Variants in EIF3A observed in about 807,000 individuals in gnomAD.
EIF3A encodes EIF3, p180 subunit.
EIF3A carries 21 observed loss-of-function variants against 186.6 expected under a neutral mutation model. The ratio of observed to expected loss-of-function variants is 0.11; its 90% CI spans 0.08 to 0.16. The LOEUF is 0.16. Among genes scored for constraint, EIF3A ranks in the 10% least tolerant of loss-of-function variants. The pLI is 1.00. For synonymous variants in EIF3A, 563 were observed against 584.3 expected (o/e 0.96, Z 0.52); for missense variants, 1,306 against 1,796.3 (o/e 0.73, Z 4.93).
At chr10:119,074,214 C>A (rs1243321745) in intron 1 of EIF3A, among the ~76,000 whole-genome samples, 1 of 152,142 alleles carries the variant, frequency 6.6e-6, no homozygotes, top group Admixed American at 6.6e-5. Flanking sequence ...GCCTGTAATC[C>A]TAGCAATTTG....
intron 10 of EIF3A, 26 bp downstream of exon 10, chr10:119,059,573 TCTC>T (rs1320417239): frequency 6.5e-7 from 1 of 1,549,240 alleles, no homozygotes; most frequent in East Asian, 2.2e-5. Flanking sequence ...TCAAGGGCCT[TCTC>T]CTGTCTCCTT....
At chr10:119,053,985 A>G (rs764265118) in intron 14 of EIF3A, among the ~76,000 whole-genome samples, 1 of 152,108 alleles carries the variant, frequency 6.6e-6, no homozygotes, top group Non-Finnish European at 1.5e-5. Flanking sequence ...CAGTGGCGCA[A>G]TCTCAGCTCA....
In EIF3A at chr10:119,069,569, T is replaced by C. The variant is rs1004662565; in HGVS notation, c.827A>G (p.Tyr276Cys). The C allele has an allele frequency of 6.3e-7, 1 of 1,593,204 alleles. No homozygotes were observed. The highest frequency in any genetic ancestry group is 1.3e-5 in the African/African-American group (1 of 74,580). Reference protein sequence around the residue: ...PPKPQLMANYYNKVSTVFWKS... With the variant: ...PPKPQLMANYCNKVSTVFWKS... ...CCAAAACACAGTTGAGACTTTGTTA[T>C]AGTAATTTGCCATCAACTGAGGTTT... The change falls in exon 6 of 22, where the codon TAT becomes TGT. Residue 276 changes from tyrosine (Y) to cysteine (C), a missense_variant. Physicochemically the swap from Tyr to Cys is radical, Grantham distance 194 (BLOSUM62 -2). Coordinates refer to ENST00000369144, the MANE Select transcript of EIF3A (RefSeq NM_003750.4).
Position 119,042,239 on chromosome 10 carries a change from T to C in EIF3A, c.3281A>G (p.Asp1094Gly). 1 of 1,613,854 alleles carries C rather than the reference T, an allele frequency of 6.2e-7. No individual in the cohort carries two copies. The highest frequency in any genetic ancestry group is 8.5e-7 in the Non-Finnish European group (1 of 1,179,952). Residue 1094 changes from aspartate (D) to glycine (G), a missense_variant, in exon 19 of 22, where the codon GAT (aspartate) becomes GGT (glycine). Physicochemically the swap from Asp to Gly is moderately conservative, Grantham distance 94. Around this residue, in one of 8 missense-constraint regions of EIF3A, gnomAD observed 27 missense variants for 64.8 expected, o/e 0.42. Transcript: ENST00000369144. The surrounding 1 kb of genome is among the most constrained non-coding windows in gnomAD (Gnocchi z 7.8). The part of the protein sequence containing the change: ...DDDRGPRRGM[D>G]DDRGPRRGMD... ...GCCTCGCCTGGGACCCCGGTCATCA[T>C]CCATGCCTCGCCTGGGACCCCGGTC...
intron 19 of EIF3A, among the ~76,000 whole-genome samples, chr10:119,039,371 G>A (rs1429908393): frequency 6.6e-6 from 1 of 152,052 alleles, no homozygotes; most frequent in Non-Finnish European, 1.5e-5. Context: ...CAAGTGTAGT[G>A]CTAAAATGCT....
intron 1 of EIF3A, among the ~76,000 whole-genome samples, chr10:119,078,813 G>A (rs1389900995): frequency 6.6e-6 from 1 of 152,096 alleles, no homozygotes; most frequent in African/African-American, 2.4e-5. Flanking sequence ...AAAAATGTTT[G>A]ATGCACATTA....
At chr10:119,040,642 G>C (rs1848194915) in intron 19 of EIF3A, among the ~76,000 whole-genome samples, 1 of 151,894 alleles carries the variant, frequency 6.6e-6, no homozygotes, top group Non-Finnish European at 1.5e-5. Flanking sequence ...AGGCCGAGGT[G>C]GGTGGATCAC....
Position 119,050,664 on chromosome 10 carries a change from T to G in EIF3A, c.2330A>C (p.Lys777Thr), listed in dbSNP as rs978702708. Reference protein sequence around the residue: ...ARQSVYEEKLKQFEERLAEER... With the variant: ...ARQSVYEEKLTQFEERLAEER... Reference sequence around the variant, plus strand: ...TTCTGCTAATCGCTCTTCAAACTGTTTAAGTTTTTCCTGCAATCGAAGTAA... The same window carrying G: ...TTCTGCTAATCGCTCTTCAAACTGTGTAAGTTTTTCCTGCAATCGAAGTAA... Residue 777 changes from lysine to threonine, a missense_variant, in exon 16 of 22, where the codon AAA (lysine) becomes ACA (threonine). By Grantham distance (78) the Lys-to-Thr change is moderately conservative. Coordinates refer to ENST00000369144, the MANE Select transcript of EIF3A (RefSeq NM_003750.4). 1.2e-6 allele frequency: 2 copies of G among 1,614,030 alleles called. No individual in the cohort carries two copies. The highest frequency in any genetic ancestry group is 1.7e-6 in the Non-Finnish European group (2 of 1,180,020).
intron 17 of EIF3A, among the ~76,000 whole-genome samples, chr10:119,046,488 A>C (rs571747527): frequency 6.6e-6 from 1 of 152,346 alleles, no homozygotes; most frequent in East Asian, 1.9e-4. Flanking sequence ...GGAAAACTTA[A>C]AGTAACTGTT....
chr10:119,053,933 T>C (rs1425824123), intron 14 of EIF3A, among the ~76,000 whole-genome samples: 1 of 152,192 alleles, frequency 6.6e-6, no homozygotes, highest in Non-Finnish European at 1.5e-5. Flanking sequence ...GATTGATTGA[T>C]TGATTGAGAC....
chr10:119,059,876 C>CTA, intron 9 of EIF3A, 158 bp from the exon 10 acceptor site: 2 of 667,782 alleles, frequency 3.0e-6, no homozygotes, highest in South Asian at 3.4e-5. Flanking sequence ...ACCATCGACT[C>CTA]TAAACTCCAT....
chr10:119,039,044 G>A (rs941231305), intron 19 of EIF3A, among the ~76,000 whole-genome samples: 1 of 152,172 alleles, frequency 6.6e-6, no homozygotes, highest in Admixed American at 6.5e-5. Context: ...GCAGATTTCA[G>A]CATAGTATCT....
chr10:119,057,745 A>G (rs763905481), intron 12 of EIF3A, among the ~76,000 whole-genome samples: 1 of 152,196 alleles, frequency 6.6e-6, no homozygotes, highest in Non-Finnish European at 1.5e-5. Flanking sequence ...ACTGCACTCC[A>G]GCCTGGGCGA....
At chr10:119,078,351 T>A (rs1282439111) in intron 1 of EIF3A, among the ~76,000 whole-genome samples, 1 of 152,118 alleles carries the variant, frequency 6.6e-6, no homozygotes, top group Non-Finnish European at 1.5e-5. Flanking sequence ...AAATTGCTCA[T>A]ATATATGCTT....
At position 119,066,505 on chromosome 10, in the gene EIF3A, C is replaced by CAAAAA. The variant is rs71016533; in HGVS notation, c.951-940_951-936dup. Among the ~76,000 whole-genome samples the CAAAAA allele has an allele frequency of 2.7e-4, 13 of 47,500 alleles. 1 individual carries two copies. The highest frequency in any genetic ancestry group is 1.3e-3 in the African/African-American group (13 of 9,946). The allele number at this position is 47,500 out of a possible 152,430, so 31.2% of individuals were successfully genotyped here. On this transcript the variant is annotated intron_variant, in intron 6 of 21. Coordinates refer to ENST00000369144, the MANE Select transcript of EIF3A (RefSeq NM_003750.4). ...GCCTGGGGGGCAGAGTTAAGACTGT[C>CAAAAA]AAAAAAAAAAAAAAAAAAAAAAAAA... is the stretch of plus-strand genomic sequence containing the variant.
rs767832389 is a variant in EIF3A, at chr10:119,065,465, C to T, written c.1056G>A (p.Gln352=). Residue 352 remains glutamine, a synonymous_variant, in exon 7 of 22, where the codon CAG becomes CAA. Coordinates refer to ENST00000369144, the MANE Select transcript of EIF3A (RefSeq NM_003750.4). ...GACCTAGTAGTGTTGCAAGGCGACG[C>T]TGTTTTTCAACTATAATGCCATCCA... The part of the protein sequence containing the change: ...LDMDGIIVEK[Q]RRLATLLGLQ... 3 of 1,613,868 alleles carry T rather than the reference C, an allele frequency of 1.9e-6. No individual in the cohort carries two copies. Among genetic ancestry groups the T allele is most frequent in the East Asian group, 2.2e-5 (1 of 44,890 alleles).
intron 6 of EIF3A, among the ~76,000 whole-genome samples, chr10:119,068,844 G>A (rs1363851971): frequency 6.6e-6 from 1 of 150,896 alleles, no homozygotes; most frequent in African/African-American, 2.4e-5. Flanking sequence ...ATGGTGGTGG[G>A]TGCCTGTAAT....
At chr10:119,068,880 G>A (rs1453073876) in intron 6 of EIF3A, among the ~76,000 whole-genome samples, 1 of 146,724 alleles carries the variant, frequency 6.8e-6, no homozygotes, top group Non-Finnish European at 1.5e-5. Context: ...GACTGAGCCA[G>A]GAGAATCGCT....
chr10:119,064,252 A>G (rs147813663), intron 7 of EIF3A, among the ~76,000 whole-genome samples: 3 of 152,206 alleles, frequency 2.0e-5, no homozygotes, highest in Non-Finnish European at 2.9e-5. Context: ...AAAAGAGAAA[A>G]AAGTTGAAAA....
Sources: gnomAD v4.1 joint callset for allele counts (sites outside exome capture counted in the v4.1 genomes callset) on GRCh38, gnomAD v4.1.1 for gene constraint, gnomAD v4.1.1 regional missense constraint, Gnocchi (gnomAD v3.1) non-coding constraint, MANE v1.5 for transcripts, NCBI Gene and HGNC (gene_info 2026-07-23, HGNC 2026-07-21) for gene names.